The following AMZ2 variants were observed in gnomAD, a reference collection of about 807,000 sequenced individuals.
AMZ2 encodes the protein archaelysin family metallopeptidase 2, also known as archaemetzincin-2.
Under a neutral mutation model 36.7 loss-of-function variants are expected in AMZ2, and 26 were observed. The observed-to-expected ratio is 0.71, with a 90% confidence interval of 0.52 to 0.98. The LOEUF (loss-of-function observed/expected upper bound fraction) is 0.98. AMZ2 is among the 50% of genes least tolerant of loss of function. AMZ2 has a pLI of 0.00. For synonymous variants in AMZ2, 144 were observed against 149.1 expected (o/e 0.97, Z 0.25); for missense variants, 394 against 430.5 (o/e 0.92, Z 0.75).
rs2074327352 is a variant in AMZ2 at position 68,250,045 on chromosome 17, C to T, written c.1-143C>T. On this transcript the variant is annotated intron_variant, in intron 1 of 6. Coordinates refer to ENST00000359904, the MANE Select transcript of AMZ2 (RefSeq NM_016627.5). ...CTCCAAGAAATTGGACATGAGGAAACCACTCTAAGTGTGACCACTCTAAAG... is the reference window on the plus strand; with the variant it reads ...CTCCAAGAAATTGGACATGAGGAAATCACTCTAAGTGTGACCACTCTAAAG... The T allele has an allele frequency of 4.8e-6, 4 of 839,862 alleles. No individual in the cohort carries two copies. In the African/African-American group the frequency reaches 5.2e-5, roughly 11 times the overall value. The allele number at this position is 839,862 out of a possible 1,614,324, so 52.0% of individuals were successfully genotyped here.
chr17:68,245,200 TA>T (rs71355810), upstream of AMZ2, among the ~76,000 whole-genome samples: 1,156 of 141,544 alleles, frequency 8.2e-3, 13 homozygotes, highest in Admixed American at 0.013. Context: ...CCTTCTAATG[TA>T]AAAAAAAAAA....
chr17:68,248,114 A>T lies in AMZ2; in HGVS notation c.-592A>T. The T allele has an allele frequency of 2.0e-6, 2 of 986,288 alleles. No individual in the cohort carries two copies. The highest frequency in any genetic ancestry group is 2.4e-6 in the Non-Finnish European group (2 of 830,548). 61.1% of individuals were successfully genotyped at this position (986,288 alleles called of 1,614,324 possible). On this transcript the variant is annotated 5_prime_UTR_variant, in exon 1 of 7. Transcript: ENST00000359904. The stretch of plus-strand genomic sequence containing the variant: ...GGGTGGTATCGAGGCCTGTCGGGTC[A>T]GGGCGGTTCGCGGGTGCTGTCAGAG...
chr17:68,210,251 GC>G (rs1463427220), intron 1 of AMZ2, among the ~76,000 whole-genome samples: 2 of 152,190 alleles, frequency 1.3e-5, no homozygotes, highest in African/African-American at 4.8e-5. Flanking sequence ...GTATACAGCA[GC>G]ATTATTCTCA....
intron 1 of AMZ2, among the ~76,000 whole-genome samples, chr17:68,220,415 T>C (rs549940986): frequency 1.8e-4 from 27 of 152,206 alleles, no homozygotes; most frequent in Non-Finnish European, 2.8e-4. Context: ...TAGATTAGAC[T>C]GTAAGCTCCC....
intron 1 of AMZ2, among the ~76,000 whole-genome samples, chr17:68,209,167 A>G (rs1240392064): frequency 5.3e-5 from 8 of 151,466 alleles, no homozygotes; most frequent in Non-Finnish European, 8.8e-5. Context: ...AAAGGACTAC[A>G]TGTAAATTTT....
rs2074126411 is a variant in AMZ2, at chr17:68,248,068, C to A, written c.-638C>A. On this transcript the variant is annotated 5_prime_UTR_variant, in exon 1 of 7. Coordinates refer to ENST00000359904, the MANE Select transcript of AMZ2 (RefSeq NM_016627.5). ...AGTGCGAAGGGACGCGGTGCGCATG[C>A]GCGTGAGGGCTGCCGCGGGTGGGTG... 2.0e-6 allele frequency: 2 copies of A among 986,068 alleles called. No individual in the cohort carries two copies. Among genetic ancestry groups the A allele is most frequent in the South Asian group, 9.4e-5 (2 of 21,350 alleles). The allele number at this position is 986,068 out of a possible 1,614,324, so 61.1% of individuals were successfully genotyped here.
At chr17:68,228,882 CCG>C (rs1555730547) in intron 1 of AMZ2, among the ~76,000 whole-genome samples, 2 of 152,248 alleles carry the variant, frequency 1.3e-5, no homozygotes, top group African/African-American at 4.8e-5. Flanking sequence ...ACTGCTGCTT[CCG>C]CGTGTGCTGG....
intron 1 of AMZ2, among the ~76,000 whole-genome samples, chr17:68,210,229 G>A (rs562242991): frequency 2.4e-4 from 36 of 152,168 alleles, no homozygotes; most frequent in South Asian, 6.2e-4. Context: ...ATGCAAAAAC[G>A]TATACACATA....
At chr17:68,255,569 G>A (rs1360243052) in intron 5 of AMZ2, 131 bp from the exon 6 acceptor site, 8 of 925,514 alleles carry the variant, frequency 8.6e-6, no homozygotes, top group Non-Finnish European at 1.1e-5. Flanking sequence ...TGAAGGTCTG[G>A]ACAGGGTGAA....
rs782264957 is a variant in AMZ2 at position 68,250,793 on chromosome 17, G to A, written c.284-1G>A. ...TTTTTAAATGTTCTTCCATATTGTAGGCTCTCTAGGAAACACCAGAATTAT... is the reference window on the plus strand; with the variant it reads ...TTTTTAAATGTTCTTCCATATTGTAAGCTCTCTAGGAAACACCAGAATTAT... On this transcript the variant is annotated splice_acceptor_variant, in intron 2 of 6. Transcript: ENST00000359904. LOFTEE classifies it high-confidence loss of function. 1.9e-6 allele frequency: 3 copies of A among 1,565,704 alleles called. No homozygotes were observed. The Admixed American group carries it at 6.6e-5, about 35-fold the overall frequency.
intron 1 of AMZ2, among the ~76,000 whole-genome samples, chr17:68,226,741 A>G (rs1446416451): frequency 1.3e-5 from 2 of 152,094 alleles, no homozygotes; most frequent in African/African-American, 2.4e-5. Context: ...CTTCAATAGC[A>G]AGGATCATGT....
At chr17:68,230,633 C>T (rs879959760) in intron 1 of AMZ2, among the ~76,000 whole-genome samples, 3 of 152,204 alleles carry the variant, frequency 2.0e-5, no homozygotes, top group Non-Finnish European at 4.4e-5. Context: ...ATCCCACAGC[C>T]CCTTTCAGAA....
intron 4 of AMZ2, among the ~76,000 whole-genome samples, chr17:68,252,786 A>G (rs1219143678): frequency 6.6e-6 from 1 of 152,122 alleles, no homozygotes; most frequent in Non-Finnish European, 1.5e-5. Context: ...AGCCTCCCAA[A>G]GTGCTTTGAT....
chr17:68,226,405 T>G (rs1418485258), intron 1 of AMZ2, among the ~76,000 whole-genome samples: 1 of 152,236 alleles, frequency 6.6e-6, no homozygotes, highest in Non-Finnish European at 1.5e-5. Context: ...AAGGCTGCTC[T>G]GGCAACAGGT....
chr17:68,245,281 G>A (rs1555734993), upstream of AMZ2, among the ~76,000 whole-genome samples: 1 of 151,364 alleles, frequency 6.6e-6, no homozygotes, highest in South Asian at 2.1e-4. Context: ...TCACTCTGTT[G>A]CCCAGGCTGA....
chr17:68,229,265 C>G (rs200840496), intron 1 of AMZ2, among the ~76,000 whole-genome samples: 18 of 149,182 alleles, frequency 1.2e-4, no homozygotes, highest in South Asian at 4.3e-4. Flanking sequence ...ATGATGTTTC[C>G]TCTCTGGGGA....
chr17:68,220,670 C>T (rs9901769), intron 1 of AMZ2, among the ~76,000 whole-genome samples: 49,780 of 151,872 alleles, frequency 0.33, 8,683 homozygotes, highest in African/African-American at 0.45. Flanking sequence ...TGCATAAGTA[C>T]TTAAGCCAAG....
chr17:68,225,886 A>G (rs1177879947), intron 1 of AMZ2, among the ~76,000 whole-genome samples: 1 of 152,138 alleles, frequency 6.6e-6, no homozygotes, highest in Non-Finnish European at 1.5e-5. Flanking sequence ...GGCCTCCCAA[A>G]GTGCTGGGAT....
intron 1 of AMZ2, among the ~76,000 whole-genome samples, chr17:68,210,511 A>G (rs1224216451): frequency 6.6e-6 from 1 of 152,206 alleles, no homozygotes; most frequent in Non-Finnish European, 1.5e-5. Flanking sequence ...TAGAAGGGTG[A>G]TTACTGTAGG....
Sources: gnomAD v4.1 joint callset for allele counts (sites outside exome capture counted in the v4.1 genomes callset) on GRCh38, gnomAD v4.1.1 for gene constraint, MANE v1.5 for transcripts, NCBI Gene and HGNC (gene_info 2026-07-23, HGNC 2026-07-21) for gene names.